The following PIGU variants were observed in gnomAD, a reference collection of about 807,000 sequenced individuals.
PIGU encodes the protein GPI-anchor transamidase component PIGU.
In PIGU, 24 loss-of-function variants were observed where a neutral mutation model predicts 49.9. That is an observed-to-expected ratio of 0.48 (90% CI 0.35 to 0.68). The LOEUF (loss-of-function observed/expected upper bound fraction) is 0.68, where lower values mean the gene tolerates loss of function less well. Among genes scored for constraint, PIGU ranks in the 30% least tolerant of loss-of-function variants. The pLI is 0.01. For missense variants in PIGU, 490 were observed against 532.6 expected (o/e 0.92, Z 0.79); for synonymous variants, 220 against 205.7 (o/e 1.07, Z -0.59).
intron 7 of PIGU, among the ~76,000 whole-genome samples, chr20:34,611,649 A>G (rs1283664370): frequency 6.7e-4 from 35 of 52,310 alleles, no homozygotes; most frequent in African/African-American, 7.5e-4. Flanking sequence ...CAAGTCTCAG[A>G]AAAAAAAAAA....
chr20:34,631,779 ATATATATTTTTTTTTTTTTTTTTTT>A (rs1568649508), intron 6 of PIGU, among the ~76,000 whole-genome samples: 1 of 2,340 alleles, frequency 4.3e-4, no homozygotes, highest in Non-Finnish European at 6.6e-4. Flanking sequence ...ATATATATAT[ATATATATTTTTTTTTTTTTTTTTTT>A]TTTTTTTTTT....
At position 34,600,735 on chromosome 20, in the gene PIGU, C is replaced by T. The variant is rs974134279; in HGVS notation, c.628-12128G>A. On this transcript the variant is annotated intron_variant, in intron 7 of 11. Coordinates refer to ENST00000217446, the MANE Select transcript of PIGU (RefSeq NM_080476.5). ...GCCATGAAAAACTGAATCAAGTAGGCTGTTAAAAGCAGTTATTGGCCGGGC... is the reference window on the plus strand; with the variant it reads ...GCCATGAAAAACTGAATCAAGTAGGTTGTTAAAAGCAGTTATTGGCCGGGC... Among the ~76,000 whole-genome samples, 7 of 152,130 alleles carry T rather than the reference C, an allele frequency of 4.6e-5. No homozygotes were observed. In the East Asian group the frequency reaches 1.2e-3, roughly 25 times the overall value.
chr20:34,622,595 A>T (rs1600636857), intron 6 of PIGU, among the ~76,000 whole-genome samples: 1 of 152,196 alleles, frequency 6.6e-6, no homozygotes, highest in African/African-American at 2.4e-5. Context: ...CGGAGGGCTA[A>T]GCTTGCACAG....
chr20:34,585,856 C>G (rs957189224), intron 8 of PIGU, among the ~76,000 whole-genome samples: 1 of 152,212 alleles, frequency 6.6e-6, no homozygotes, highest in Non-Finnish European at 1.5e-5. Flanking sequence ...AAGAGACTCA[C>G]CCCTGTTTTA....
At chr20:34,675,217 C>T (rs938127026) in intron 1 of PIGU, among the ~76,000 whole-genome samples, 1 of 137,492 alleles carries the variant, frequency 7.3e-6, no homozygotes, top group Non-Finnish European at 1.5e-5. Flanking sequence ...CATTGCACTC[C>T]AGCTAGGGCA....
chr20:34,674,943 T>C (rs1460625179), intron 1 of PIGU, among the ~76,000 whole-genome samples: 1 of 35,510 alleles, frequency 2.8e-5, no homozygotes, highest in African/African-American at 1.2e-4. Context: ...CCCTGTCTCT[T>C]GAAGAAAAAA....
At chr20:34,632,945 G>C (rs1045383567) in intron 6 of PIGU, among the ~76,000 whole-genome samples, 1 of 151,108 alleles carries the variant, frequency 6.6e-6, no homozygotes, top group Non-Finnish European at 1.5e-5. Context: ...AAAGAACATT[G>C]TTAGGTACTT....
chr20:34,659,158 G>C (rs1178358733), intron 1 of PIGU, among the ~76,000 whole-genome samples: 35 of 140,404 alleles, frequency 2.5e-4, no homozygotes, highest in Admixed American at 6.2e-4. Context: ...ACTGGGAAGT[G>C]AGGAGCCCCT....
chr20:34,581,777 T>C (rs1983483351), intron 9 of PIGU, 105 bp from the exon 10 acceptor site: 1 of 1,395,996 alleles, frequency 7.2e-7, no homozygotes, highest in Non-Finnish European at 9.7e-7. Flanking sequence ...CTCAGGGGAC[T>C]TCAGGAAGGG....
In PIGU at chr20:34,637,932, G is replaced by A. The variant is rs201423770; in HGVS notation, c.372C>T (p.Ala124=). ...TTTCCATAGGGGTCCGGATGAGTTC[G>A]GCCACATCTGGGGCATACTGGTCCA... ...LELDQYAPDV[A]ELIRTPMEMR... Residue 124 remains alanine (A), a synonymous_variant, in exon 5 of 12, where the codon GCC becomes GCT. Transcript: ENST00000217446. 3.1e-5 allele frequency: 50 copies of A among 1,608,280 alleles called. No homozygotes were observed. The highest frequency in any genetic ancestry group is 3.8e-5 in the Non-Finnish European group (45 of 1,177,774).
intron 6 of PIGU, among the ~76,000 whole-genome samples, chr20:34,625,581 G>A (rs1326790481): frequency 2.0e-5 from 3 of 151,792 alleles, no homozygotes; most frequent in Non-Finnish European, 4.4e-5. Context: ...TGAGGCAGGT[G>A]GATTGCTTGA....
intron 1 of PIGU, among the ~76,000 whole-genome samples, chr20:34,674,601 G>A (rs1280055147): frequency 6.6e-6 from 1 of 151,978 alleles, no homozygotes; most frequent in African/African-American, 2.4e-5. Context: ...ATTCAGGAAT[G>A]AATAAAACAG....
intron 11 of PIGU, among the ~76,000 whole-genome samples, chr20:34,566,108 G>A (rs948214588): frequency 2.6e-5 from 4 of 151,976 alleles, no homozygotes; most frequent in Admixed American, 2.6e-4. Flanking sequence ...ACACATACAC[G>A]CACGCTTGCC....
intron 6 of PIGU, among the ~76,000 whole-genome samples, chr20:34,621,476 G>A (rs890824283): frequency 1.3e-5 from 2 of 152,116 alleles, no homozygotes; most frequent in African/African-American, 2.4e-5. Flanking sequence ...GCAGTCTGGG[G>A]GCAGAAACAC....
At chr20:34,618,937 T>C (rs118057517) in intron 6 of PIGU, among the ~76,000 whole-genome samples, 60 of 152,326 alleles carry the variant, frequency 3.9e-4, no homozygotes, top group Admixed American at 1.4e-3. Flanking sequence ...ACCACCAAAG[T>C]GGTCTGTATA....
chr20:34,601,112 C>T (rs971403213), intron 7 of PIGU, among the ~76,000 whole-genome samples: 2 of 151,844 alleles, frequency 1.3e-5, no homozygotes, highest in South Asian at 2.1e-4. Flanking sequence ...TCACTCTTTG[C>T]AAATCCCATT....
chr20:34,567,249 C>A (rs1266501593), intron 11 of PIGU, among the ~76,000 whole-genome samples: 1 of 152,216 alleles, frequency 6.6e-6, no homozygotes, highest in African/African-American at 2.4e-5. Context: ...TTTGGCGTAA[C>A]CTGGCAACCC....
At chr20:34,659,982 T>C (rs1323283642) in intron 1 of PIGU, among the ~76,000 whole-genome samples, 3 of 145,170 alleles carry the variant, frequency 2.1e-5, no homozygotes, top group Non-Finnish European at 4.5e-5. Flanking sequence ...CTGCTGACCT[T>C]CCCTCCACTA....
At chr20:34,659,604 T>C (rs1568663518) in intron 1 of PIGU, among the ~76,000 whole-genome samples, 1 of 151,990 alleles carries the variant, frequency 6.6e-6, no homozygotes, top group Non-Finnish European at 1.5e-5. Flanking sequence ...TTTTGTGGAA[T>C]AGAAAGGGGG....
Sources: gnomAD v4.1 joint callset for allele counts (sites outside exome capture counted in the v4.1 genomes callset) on GRCh38, gnomAD v4.1.1 for gene constraint, MANE v1.5 for transcripts, NCBI Gene and HGNC (gene_info 2026-07-23, HGNC 2026-07-21) for gene names.